THBS2: variants seen among roughly 807,000 people sequenced by gnomAD.
The protein encoded by THBS2 is thrombospondin 2.
Under a neutral mutation model 135.2 loss-of-function variants are expected in THBS2, and 47 were observed. The ratio of observed to expected loss-of-function variants is 0.35; its 90% CI spans 0.28 to 0.44. THBS2 has a LOEUF of 0.44. Among genes scored for constraint, THBS2 ranks in the 20% least tolerant of loss-of-function variants. THBS2 has a pLI of 1.00. For synonymous variants in THBS2, 639 were observed against 633.8 expected, an observed-to-expected ratio of 1.01 and a Z score of -0.12; for missense variants, 1,288 against 1,603.1, an observed-to-expected ratio of 0.80 and a Z score of 3.36.
intron 3 of THBS2, 109 bp downstream of exon 3, chr6:169,248,308 A>G: frequency 7.6e-7 from 1 of 1,322,566 alleles, no homozygotes; most frequent in South Asian, 1.4e-5. Flanking sequence ...GTGCTTCTCT[A>G]AGGCCAGGCT....
At chr6:169,224,564 A>G (rs1779551310) in intron 17 of THBS2, among the ~76,000 whole-genome samples, 1 of 152,196 alleles carries the variant, frequency 6.6e-6, no homozygotes, top group Non-Finnish European at 1.5e-5. Flanking sequence ...AGTGAGGGCC[A>G]CTTTCTCACA....
intron 14 of THBS2, 71 bp downstream of exon 14, chr6:169,229,501 A>G (rs1779755015): frequency 8.2e-6 from 10 of 1,224,828 alleles, no homozygotes; most frequent in South Asian, 3.7e-5. Context: ...GCTGTTTGGT[A>G]TAAAGTGGCC....
intron 13 of THBS2, 146 bp from the exon 14 acceptor site, chr6:169,229,825 C>A (rs1305868534): frequency 3.3e-6 from 2 of 603,884 alleles, no homozygotes; most frequent in Non-Finnish European, 2.9e-6. Context: ...GAGAGAGGAG[C>A]CAGGAGGCCA....
intron 14 of THBS2, 128 bp from the exon 15 acceptor site, chr6:169,228,409 CAGTT>C: frequency 8.2e-7 from 1 of 1,214,076 alleles, no homozygotes; most frequent in South Asian, 1.5e-5. Flanking sequence ...ACACAAAAGC[CAGTT>C]AGGGCTGGAC....
chr6:169,220,107 A>G lies in THBS2; in HGVS notation c.3511+91T>C. On this transcript the variant is annotated intron_variant, in intron 21 of 21. Coordinates refer to ENST00000617924, the MANE Select transcript of THBS2 (RefSeq NM_003247.5). Reference sequence around the variant, plus strand: ...CATTAGGTTTATTGCCCTGATGTACAGCTTTTGTAAGTGGAAGAGCGCACT... The same window carrying G: ...CATTAGGTTTATTGCCCTGATGTACGGCTTTTGTAAGTGGAAGAGCGCACT... The G allele has an allele frequency of 3.3e-6, 5 of 1,497,888 alleles. No individual in the cohort carries two copies. The South Asian group carries it at 6.5e-5, about 20-fold the overall frequency. 92.8% of individuals were successfully genotyped at this position (1,497,888 alleles called of 1,614,324 possible). A position where few individuals can be genotyped will look rare whatever the true frequency, so the allele number is the denominator to read the frequency against.
rs969132008 is a variant in THBS2 at position 169,216,272 on chromosome 6, A to C, written c.*1550T>G. The C allele has an allele frequency of 2.6e-5, 4 of 152,230 alleles. No individual in the cohort carries two copies. Among genetic ancestry groups the C allele is most frequent in the African/African-American group, 9.6e-5 (4 of 41,460 alleles). 9.4% of individuals were successfully genotyped at this position (152,230 alleles called of 1,614,324 possible). ...TGGATTGTTCCTGTTTGGCATAGAA[A>C]TGTGATGACTATTAACAGAAAGGGG... is the stretch of plus-strand genomic sequence containing the variant. On this transcript the variant is annotated 3_prime_UTR_variant, in exon 22 of 22. Coordinates refer to ENST00000617924, the MANE Select transcript of THBS2 (RefSeq NM_003247.5).
chr6:169,244,747 G>A (rs777321626), intron 4 of THBS2, among the ~76,000 whole-genome samples: 18 of 152,134 alleles, frequency 1.2e-4, no homozygotes, highest in African/African-American at 2.9e-4. Context: ...GCCCTGGCAC[G>A]CAGAGTGCTG....
chr6:169,232,107 A>T lies in THBS2; in HGVS notation c.2024T>A (p.Met675Lys). The change falls in exon 13 of 22, where the codon ATG becomes AAG. Residue 675 changes from methionine to lysine, a missense_variant. This residue lies in a region of THBS2 where 874 missense variants were observed against 1,156.1 expected (regional missense o/e 0.76). Coordinates refer to ENST00000617924, the MANE Select transcript of THBS2 (RefSeq NM_003247.5). ...GCCTGTCTGGCACTCGCACTTGTAC[A>T]TGGGGTCGCTGAAGTGGCCCAGGTA... Reference protein sequence around the residue: ...CIYLGHFSDPMYKCECQTGYA... With the variant: ...CIYLGHFSDPKYKCECQTGYA... 2 of 1,614,078 alleles carry T rather than the reference A, an allele frequency of 1.2e-6. No homozygotes were observed. Among genetic ancestry groups the T allele is most frequent in the Non-Finnish European group, 1.7e-6 (2 of 1,179,982 alleles).
chr6:169,231,302 G>A (rs1779824666), intron 13 of THBS2, among the ~76,000 whole-genome samples: 1 of 152,226 alleles, frequency 6.6e-6, no homozygotes, highest in Non-Finnish European at 1.5e-5. Context: ...AAGCCGACCA[G>A]AGGTCAGGGC....
rs779173134 is a variant in THBS2, at chr6:169,234,874, G to A, written c.1511C>T (p.Ser504Leu). Residue 504 changes from serine (S) to leucine (L), a missense_variant, in exon 10 of 22, where the codon TCG becomes TTG. Ser to Leu is a moderately radical substitution (Grantham distance 145, BLOSUM62 -2). Coordinates refer to ENST00000617924, the MANE Select transcript of THBS2 (RefSeq NM_003247.5). Reference sequence around the variant, plus strand: ...ACCGGCACAGGTGACAGTGCAGGCCGACCACGGGGACCAGGGGCTCCAGCG... The same window carrying A: ...ACCGGCACAGGTGACAGTGCAGGCCAACCACGGGGACCAGGGGCTCCAGCG... ...DGRWSPWSPW[S>L]ACTVTCAGGI... 27 of 1,610,982 alleles carry A rather than the reference G, an allele frequency of 1.7e-5. No individual in the cohort carries two copies. Among genetic ancestry groups the A allele is most frequent in the Middle Eastern group, 1.7e-4 (1 of 6,040 alleles).
Position 169,232,198 on chromosome 6 carries a change from C to T in THBS2, c.1933G>A (p.Val645Met), listed in dbSNP as rs764511810. 3 of 1,611,472 alleles carry T rather than the reference C, an allele frequency of 1.9e-6. No homozygotes were observed. The highest frequency in any genetic ancestry group is 1.1e-5 in the South Asian group (1 of 91,076). Residue 645 changes from valine to methionine, a missense_variant and splice_region_variant, in exon 13 of 22, where the codon GTG becomes ATG. Transcript: ENST00000617924. The stretch of plus-strand genomic sequence containing the variant: ...TTGCATGGGTTTTCGGGCTCACACA[C>T]CTACGGGGAGAAGGGCTGCGGGGTT... ...GLEAAKTEKQ[V>M]CEPENPCKDK...
rs982331422 is a variant in THBS2, at chr6:169,250,749, C to A, written c.36G>T (p.Val12=). ...VWRLVLLALW[V]WPSTQAGHQD... is the part of the protein sequence containing the mutation. ...GACACTCACCTTGCGTGCTGGGCCA[C>A]ACCCACAGAGCCAGCAGGACCAGCC... is the stretch of plus-strand genomic sequence containing the variant. Residue 12 remains valine (V), a synonymous_variant, in exon 2 of 22, where the codon GTG becomes GTT. Coordinates refer to ENST00000617924, the MANE Select transcript of THBS2 (RefSeq NM_003247.5). The A allele has an allele frequency of 6.2e-7, 1 of 1,613,608 alleles. No homozygotes were observed. Among genetic ancestry groups the A allele is most frequent in the African/African-American group, 1.3e-5 (1 of 74,944 alleles).
chr6:169,219,444 T>G (rs1039292233), intron 21 of THBS2, among the ~76,000 whole-genome samples: 14 of 152,018 alleles, frequency 9.2e-5, no homozygotes, highest in African/African-American at 3.4e-4. Flanking sequence ...ATGATATGGA[T>G]GGATGGGAGG....
At chr6:169,233,374 G>A (rs879098738) in intron 10 of THBS2, among the ~76,000 whole-genome samples, 5 of 150,512 alleles carry the variant, frequency 3.3e-5, no homozygotes, top group East Asian at 2.0e-4. Context: ...TACGCGCCAC[G>A]TTCCGGATCA....
intron 13 of THBS2, 56 bp downstream of exon 13, chr6:169,231,924 C>A: frequency 6.3e-7 from 1 of 1,589,454 alleles, no homozygotes; most frequent in Non-Finnish European, 8.6e-7. Context: ...GTCCCCGGCG[C>A]CAGGAGGAGG....
chr6:169,239,944 G>C (rs1291511680), intron 6 of THBS2, among the ~76,000 whole-genome samples: 2 of 152,190 alleles, frequency 1.3e-5, no homozygotes, highest in Non-Finnish European at 2.9e-5. Flanking sequence ...CAGCAAGGAT[G>C]CAACAGAGAG....
rs755165003 is a variant in THBS2, at chr6:169,248,427, C to G, written c.599G>C (p.Ser200Thr). The G allele has an allele frequency of 6.2e-7, 1 of 1,603,726 alleles. No individual in the cohort carries two copies. Among genetic ancestry groups the G allele is most frequent in the Non-Finnish European group, 8.5e-7 (1 of 1,171,802 alleles). The change falls in exon 3 of 22, where the codon AGT (serine) becomes ACT (threonine). Residue 200 changes from serine (S) to threonine (T), a missense_variant. Around this residue, in one of 2 missense-constraint regions of THBS2, gnomAD observed 414 missense variants for 447.0 expected, o/e 0.93. Coordinates refer to ENST00000617924, the MANE Select transcript of THBS2 (RefSeq NM_003247.5). Reference protein sequence around the residue: ...MYVAKGSARESHFRGLLQNVH... With the variant: ...MYVAKGSARETHFRGLLQNVH... ...CCCTGCAGAGCGTACCCTGAAGTGA[C>G]TCTCTCTGGCAGAGCCTTTGGCCAC...
chr6:169,216,380 T>G lies in THBS2; in HGVS notation c.*1442A>C, dbSNP rs961573414. Reference sequence around the variant, plus strand: ...TATGTGGAGTGGGATGAGTGACTATTTCCTGCAGAAAGATCATGCAACTTA... The same window carrying G: ...TATGTGGAGTGGGATGAGTGACTATGTCCTGCAGAAAGATCATGCAACTTA... On this transcript the variant is annotated 3_prime_UTR_variant, in exon 22 of 22. Coordinates refer to ENST00000617924, the MANE Select transcript of THBS2 (RefSeq NM_003247.5). 3.3e-5 allele frequency: 5 copies of G among 152,060 alleles called. No individual in the cohort carries two copies. The highest frequency in any genetic ancestry group is 1.2e-4 in the African/African-American group (5 of 41,376). 9.4% of individuals were successfully genotyped at this position (152,060 alleles called of 1,614,324 possible).
chr6:169,241,417 A>ATGTGTGTGTATG lies in THBS2; in HGVS notation c.891+333_891+344dup, dbSNP rs146947746. On this transcript the variant is annotated intron_variant, in intron 5 of 21. Coordinates refer to ENST00000617924, the MANE Select transcript of THBS2 (RefSeq NM_003247.5). This position sits in a 1 kb window ranked among gnomAD's most constrained non-coding sequence, Gnocchi z 5.5. ...CCTCTGCAGGTGTGTGTGTGTGTGT[A>ATGTGTGTGTATG]TGTGTGTGTATGTGTGTGTGTATGT... 2.7e-5 allele frequency among the ~76,000 whole-genome samples: 4 copies of ATGTGTGTGTATG among 148,486 alleles called. No individual in the cohort carries two copies. Among genetic ancestry groups the ATGTGTGTGTATG allele is most frequent in the African/African-American group, 1.0e-4 (4 of 39,796 alleles).
Sources: allele counts gnomAD v4.1 joint callset (sites outside exome capture counted in the v4.1 genomes callset), GRCh38; gene constraint gnomAD v4.1.1; regional missense constraint gnomAD v4.1.1; non-coding constraint Gnocchi (gnomAD v3.1); transcripts MANE v1.5; gene names NCBI Gene and HGNC (gene_info 2026-07-23, HGNC 2026-07-21).